Variants in CLIP4 observed in about 807,000 individuals in gnomAD.
CLIP4 encodes CAP-Gly domain-containing linker protein 4.
Under a neutral mutation model 73.1 loss-of-function variants are expected in CLIP4, and 47 were observed. That is an observed-to-expected ratio of 0.64 (90% CI 0.51 to 0.82). The LOEUF is 0.82. CLIP4 is among the 40% of genes least tolerant of loss of function. The pLI is 0.00. For missense variants in CLIP4, 874 were observed against 852.9 expected (o/e 1.02, Z -0.31); for synonymous variants, 306 against 295.4 (o/e 1.04, Z -0.37).
At chr2:29,141,918 C>G (rs1177719612) in intron 6 of CLIP4, among the ~76,000 whole-genome samples, 1 of 152,022 alleles carries the variant, frequency 6.6e-6, no homozygotes, top group South Asian at 2.1e-4. Context: ...AGACTATGTG[C>G]TTATGTATGC....
chr2:29,130,710 T>A (rs905296425), intron 2 of CLIP4: 2 of 1,205,642 alleles, frequency 1.7e-6, no homozygotes, highest in Non-Finnish European at 2.1e-6. Context: ...CTGCTCTGCT[T>A]GTATATGTGT....
At chr2:29,132,030 C>T in intron 3 of CLIP4, 122 bp from the exon 4 acceptor site, 4 of 689,032 alleles carry the variant, frequency 5.8e-6, no homozygotes, top group Non-Finnish European at 1.0e-5. Flanking sequence ...CTCATACTGT[C>T]TATACATTTT....
At position 29,121,671 on chromosome 2, in the gene CLIP4, T is replaced by C. The variant is rs990579616; in HGVS notation, c.133+150T>C. ...CCTTTTTCAAAAATACAATTGCTTA[T>C]TGCTTTTTCTGCTTCTTAAGCTAAA... On this transcript the variant is annotated intron_variant, in intron 2 of 15. Transcript: ENST00000320081. The C allele has an allele frequency of 3.7e-6, 3 of 821,268 alleles. No homozygotes were observed. In the African/African-American group the frequency reaches 5.3e-5, roughly 14 times the overall value. 50.9% of individuals were successfully genotyped at this position (821,268 alleles called of 1,614,324 possible).
At chr2:29,154,420 C>G (rs185432996) in intron 9 of CLIP4, among the ~76,000 whole-genome samples, 1 of 152,122 alleles carries the variant, frequency 6.6e-6, no homozygotes, top group Admixed American at 6.6e-5. Context: ...GGCAGGCACC[C>G]GAAACCCCAA....
At chr2:29,167,610 T>C in intron 14 of CLIP4, 70 bp downstream of exon 14, 1 of 1,197,780 alleles carries the variant, frequency 8.3e-7, no homozygotes, top group Non-Finnish European at 1.2e-6. Context: ...ATTTTTATTA[T>C]GAGGTATTGT....
intron 14 of CLIP4, among the ~76,000 whole-genome samples, chr2:29,171,764 C>A (rs1276723519): frequency 6.6e-6 from 1 of 151,938 alleles, no homozygotes; most frequent in Non-Finnish European, 1.5e-5. Context: ...GTGATCTGCC[C>A]GCCTCGGCCT....
intron 8 of CLIP4, among the ~76,000 whole-genome samples, chr2:29,147,017 G>A (rs11127204): frequency 1.3e-5 from 2 of 151,926 alleles, no homozygotes; most frequent in Admixed American, 6.5e-5. Context: ...TAAAAATGCT[G>A]ATTGTATAAG....
intron 6 of CLIP4, among the ~76,000 whole-genome samples, chr2:29,136,655 G>T (rs116153988): frequency 6.6e-6 from 1 of 152,096 alleles, no homozygotes; most frequent in African/African-American, 2.4e-5. Context: ...TCAACAGGGG[G>T]TGACATCTAA....
chr2:29,141,318 T>TAA (rs1199169271), intron 6 of CLIP4, among the ~76,000 whole-genome samples: 1 of 152,212 alleles, frequency 6.6e-6, no homozygotes, highest in Non-Finnish European at 1.5e-5. Flanking sequence ...GGGTGGAGTA[T>TAA]TCTTTAGATG....
intron 15 of CLIP4, among the ~76,000 whole-genome samples, chr2:29,176,050 C>T (rs137966589): frequency 9.2e-5 from 14 of 152,278 alleles, no homozygotes; most frequent in African/African-American, 2.4e-4. Flanking sequence ...CGTGAGCCAC[C>T]GCACCCGGCT....
intron 1 of CLIP4, among the ~76,000 whole-genome samples, chr2:29,104,178 C>T (rs1421448525): frequency 6.6e-6 from 1 of 152,206 alleles, no homozygotes; most frequent in East Asian, 1.9e-4. Flanking sequence ...AGGGACACGT[C>T]TTATGGTATT....
At position 29,143,809 on chromosome 2, in the gene CLIP4, T is replaced by G; in HGVS notation, c.749T>G (p.Met250Arg). Residue 250 changes from methionine (M) to arginine (R), a missense_variant, in exon 7 of 16, where the codon ATG (methionine) becomes AGG (arginine). Met to Arg is a moderately conservative substitution (Grantham distance 91). Transcript: ENST00000320081. ...GCCACTGCTAAGGAAATCAAGCAGA[T>G]GCTTCTAGATGCGGTGCCTCTGTCA... ...AAATAKEIKQ[M>R]LLDAVPLSCN... The G allele has an allele frequency of 6.2e-7, 1 of 1,614,172 alleles. No individual in the cohort carries two copies. The highest frequency in any genetic ancestry group is 8.5e-7 in the Non-Finnish European group (1 of 1,179,992).
At chr2:29,128,005 C>A (rs1044714326) in intron 2 of CLIP4, among the ~76,000 whole-genome samples, 2 of 152,072 alleles carry the variant, frequency 1.3e-5, no homozygotes, top group South Asian at 2.1e-4. Flanking sequence ...AAAACACTTA[C>A]ATTAATAATA....
At chr2:29,153,586 G>A (rs75140984) in intron 9 of CLIP4, among the ~76,000 whole-genome samples, 8,683 of 151,934 alleles carry the variant, frequency 0.057, 337 homozygotes, top group East Asian at 0.19. Context: ...CTATTCTCTC[G>A]GCAAAATTTT....
At chr2:29,172,520 G>A (rs1347765041) in intron 14 of CLIP4, among the ~76,000 whole-genome samples, 1 of 152,004 alleles carries the variant, frequency 6.6e-6, no homozygotes, top group African/African-American at 2.4e-5. Flanking sequence ...TCATATTATT[G>A]TTTCACTATC....
chr2:29,100,848 T>C (rs1449141415), intron 1 of CLIP4, among the ~76,000 whole-genome samples: 1 of 151,944 alleles, frequency 6.6e-6, no homozygotes, highest in African/African-American at 2.4e-5. Flanking sequence ...ACAGGGTCCA[T>C]TGTATTAGGG....
chr2:29,155,373 T>G (rs182851182), intron 9 of CLIP4, among the ~76,000 whole-genome samples: 1 of 149,774 alleles, frequency 6.7e-6, no homozygotes, highest in African/African-American at 2.5e-5. Flanking sequence ...ATAGAAGATA[T>G]GAAAAACAAC....
chr2:29,174,581 G>C lies in CLIP4; in HGVS notation c.1796+136G>C, dbSNP rs1416493377. 15 of 1,405,972 alleles carry C rather than the reference G, an allele frequency of 1.1e-5. No individual in the cohort carries two copies. The African/African-American group carries it at 1.9e-4, about 18-fold the overall frequency. The allele number at this position is 1,405,972 out of a possible 1,614,324, so 87.1% of individuals were successfully genotyped here. On this transcript the variant is annotated intron_variant, in intron 15 of 15. Coordinates refer to ENST00000320081, the MANE Select transcript of CLIP4 (RefSeq NM_024692.6). Reference sequence around the variant, plus strand: ...ACACGTAGGAGAAAAGGTGTGATAAGTGTATTGAGAAGCGTTCTTCCTCCC... The same window carrying C: ...ACACGTAGGAGAAAAGGTGTGATAACTGTATTGAGAAGCGTTCTTCCTCCC...
At chr2:29,103,022 A>C (rs1026386823) in intron 1 of CLIP4, among the ~76,000 whole-genome samples, 1 of 152,058 alleles carries the variant, frequency 6.6e-6, no homozygotes, top group African/African-American at 2.4e-5. Flanking sequence ...CTGGATTTCA[A>C]GATGTTCCCT....
Sources: gnomAD v4.1 joint callset for allele counts (sites outside exome capture counted in the v4.1 genomes callset) on GRCh38, gnomAD v4.1.1 for gene constraint, MANE v1.5 for transcripts, NCBI Gene and HGNC (gene_info 2026-07-23, HGNC 2026-07-21) for gene names.